RANBP2: variants seen among roughly 807,000 people sequenced by gnomAD.
The protein encoded by RANBP2 is RAN binding protein 2.
In RANBP2, 57 loss-of-function variants were observed where a neutral mutation model predicts 303.6. The observed-to-expected ratio is 0.19, with a 90% CI of 0.15 to 0.23. The LOEUF (loss-of-function observed/expected upper bound fraction) is 0.23. Ranked by LOEUF, RANBP2 falls within the 10% of genes least tolerant of loss-of-function variation. The pLI, the probability that RANBP2 is intolerant of heterozygous loss-of-function variation, is 1.00. For synonymous variants in RANBP2, 1,167 were observed against 1,301.5 expected, an observed-to-expected ratio of 0.90 and a Z score of 2.23; for missense variants, 3,138 against 3,780.8, an observed-to-expected ratio of 0.83 and a Z score of 4.46.
At position 108,763,380 on chromosome 2, in the gene RANBP2, G is replaced by A; in HGVS notation, c.2841G>A (p.Glu947=). The A allele has an allele frequency of 6.2e-7, 1 of 1,613,894 alleles. No individual in the cohort carries two copies. Among genetic ancestry groups the A allele is most frequent in the Non-Finnish European group, 8.5e-7 (1 of 1,179,948 alleles). Reference sequence around the variant, plus strand: ...ATGGTCCTCCTGCATTGCGTTTTGAGTCTCCTGCAACGGGAATTCTATCGC... The same window carrying A: ...ATGGTCCTCCTGCATTGCGTTTTGAATCTCCTGCAACGGGAATTCTATCGC... ...EMYGPPALRF[E]SPATGILSPR... is the part of the protein sequence containing the mutation. The change falls in exon 20 of 29, where the codon GAG becomes GAA. Residue 947 remains glutamate (E), a synonymous_variant. Coordinates refer to ENST00000283195, the MANE Select transcript of RANBP2 (RefSeq NM_006267.5).
chr2:109,643,586 C>G, the RANBP2 span, among the ~76,000 whole-genome samples: 1 of 151,754 alleles, frequency 6.6e-6, no homozygotes. Context: ...GTGGTGAAAC[C>G]CCATCTCTAC....
the RANBP2 span, among the ~76,000 whole-genome samples, chr2:109,270,033 C>T: frequency 1.3e-5 from 2 of 152,320 alleles, no homozygotes; most frequent in South Asian, 4.1e-4. Flanking sequence ...GCGATTGAAG[C>T]CACTGTCTGA....
chr2:108,759,543 A>G (rs1446858515), intron 18 of RANBP2, among the ~76,000 whole-genome samples: 1 of 152,106 alleles, frequency 6.6e-6, no homozygotes, highest in African/African-American at 2.4e-5. Context: ...TCTAGTTTAG[A>G]TGAGCACATT....
chr2:108,858,343 C>T, the RANBP2 span, among the ~76,000 whole-genome samples: 1 of 151,860 alleles, frequency 6.6e-6, no homozygotes, highest in East Asian at 1.9e-4. Flanking sequence ...GTCTCCGTCT[C>T]AAAAACAAAC....
chr2:108,930,334 G>A, the RANBP2 span: 6 of 1,514,266 alleles, frequency 4.0e-6, no homozygotes, highest in Non-Finnish European at 5.5e-6. Flanking sequence ...GGAAGGGGGT[G>A]CCCTGCGGTG....
the RANBP2 span, among the ~76,000 whole-genome samples, chr2:109,091,872 C>T: frequency 1.3e-5 from 2 of 152,024 alleles, no homozygotes; most frequent in Non-Finnish European, 2.9e-5. Flanking sequence ...GTCTGTAGCC[C>T]CATTGTGGGA....
the RANBP2 span, among the ~76,000 whole-genome samples, chr2:109,102,385 C>T: frequency 6.6e-6 from 1 of 151,546 alleles, no homozygotes; most frequent in Admixed American, 6.6e-5. Flanking sequence ...CAGGTGTGAG[C>T]CACCGCGCCC....
At chr2:109,146,330 G>A in the RANBP2 span, among the ~76,000 whole-genome samples, 1 of 152,144 alleles carries the variant, frequency 6.6e-6, no homozygotes, top group African/African-American at 2.4e-5. Context: ...GATCATTCCA[G>A]CTTCCCAAAG....
the RANBP2 span, chr2:108,929,428 C>T: frequency 5.7e-6 from 9 of 1,591,692 alleles, no homozygotes; most frequent in Admixed American, 1.0e-4. Context: ...AGCAGCCAAA[C>T]CATACGGACT....
At chr2:109,763,148 A>C in the RANBP2 span, among the ~76,000 whole-genome samples, 1,119 of 150,040 alleles carry the variant, frequency 7.5e-3, 63 homozygotes, top group African/African-American at 0.026. Flanking sequence ...TTTATAGATG[A>C]GGAAATAGAA....
chr2:108,786,828 G>GC, downstream of RANBP2: 1 of 1,589,944 alleles, frequency 6.3e-7, no homozygotes, highest in South Asian at 1.1e-5. Flanking sequence ...GTGCTATGGA[G>GC]CCGAGGGTCG....
At chr2:109,295,776 C>T in the RANBP2 span, among the ~76,000 whole-genome samples, 6 of 152,234 alleles carry the variant, frequency 3.9e-5, no homozygotes, top group Non-Finnish European at 7.4e-5. Flanking sequence ...CTTGTGGGCA[C>T]GTCTGTGGTG....
the RANBP2 span, among the ~76,000 whole-genome samples, chr2:109,027,126 C>T: frequency 1.3e-5 from 2 of 151,502 alleles, no homozygotes; most frequent in East Asian, 3.9e-4. Flanking sequence ...CCTGTAATAG[C>T]AGCTACTTGG....
the RANBP2 span, among the ~76,000 whole-genome samples, chr2:109,111,924 T>A: frequency 6.6e-6 from 1 of 152,100 alleles, no homozygotes; most frequent in African/African-American, 2.4e-5. Flanking sequence ...AGAATGATGA[T>A]TTCCAATTTC....
the RANBP2 span, among the ~76,000 whole-genome samples, chr2:108,949,155 A>G: frequency 6.6e-6 from 1 of 151,682 alleles, no homozygotes; most frequent in Non-Finnish European, 1.5e-5. Context: ...TTTTTTTTGT[A>G]GTTTTTTGTA....
chr2:109,585,696 T>C, the RANBP2 span: 25 of 1,474,708 alleles, frequency 1.7e-5, no homozygotes, highest in Non-Finnish European at 2.4e-5. Flanking sequence ...AGGAACAACT[T>C]AGAGGAAGAG....
the RANBP2 span, among the ~76,000 whole-genome samples, chr2:109,578,617 A>T: frequency 6.6e-6 from 1 of 152,032 alleles, no homozygotes; most frequent in Non-Finnish European, 1.5e-5. Flanking sequence ...AAATACAAAA[A>T]TTAGCTCGGA....
chr2:109,324,152 A>G, the RANBP2 span, among the ~76,000 whole-genome samples: 3 of 152,148 alleles, frequency 2.0e-5, no homozygotes, highest in African/African-American at 7.2e-5. Context: ...TCATGTTTTT[A>G]TGGCTGAATA....
the RANBP2 span, among the ~76,000 whole-genome samples, chr2:108,915,628 G>A: frequency 4.6e-5 from 7 of 152,074 alleles, no homozygotes; most frequent in South Asian, 2.1e-4. Flanking sequence ...GCCCAGGCAC[G>A]GTGGCTCATG....
Sources: allele counts gnomAD v4.1 joint callset (sites outside exome capture counted in the v4.1 genomes callset), GRCh38; gene constraint gnomAD v4.1.1; transcripts MANE v1.5; gene names NCBI Gene and HGNC (gene_info 2026-07-23, HGNC 2026-07-21).